The following TOP1 variants were observed in gnomAD, a reference collection of about 807,000 sequenced individuals.
TOP1 encodes the protein DNA topoisomerase 1.
Under a neutral mutation model 111.1 loss-of-function variants are expected in TOP1, and 10 were observed. That is an observed-to-expected ratio of 0.09 (90% confidence interval 0.06 to 0.15). TOP1 has a LOEUF of 0.15. TOP1 is among the 10% of genes least tolerant of loss of function. The probability of loss-of-function intolerance (pLI) is 1.00; values close to 1 mark genes in which losing one functional copy is unlikely to be tolerated. For synonymous variants in TOP1, 271 were observed against 302.9 expected (o/e 0.89, Z 1.10); for missense variants, 474 against 926.7 (o/e 0.51, Z 6.34).
Position 41,123,286 on chromosome 20 carries a change from T to C in TOP1, c.2287T>C (p.Tyr763His). Residue 763 changes from tyrosine (Y) to histidine (H), a missense_variant, in exon 21 of 21, where the codon TAT (tyrosine) becomes CAT (histidine). By Grantham distance (83) the Tyr-to-His change is moderately conservative. Transcript: ENST00000361337. The surrounding 1 kb of genome is among the most constrained non-coding windows in gnomAD (Gnocchi z 5.8). ...AWAIDMADED[Y>H]EF ...GGCCATTGACATGGCTGATGAAGAC[T>C]ATGAGTTTTAGCCAGTCTCAAGAGG... The C allele has an allele frequency of 6.2e-7, 1 of 1,612,636 alleles. No homozygotes were observed. The highest frequency in any genetic ancestry group is 8.5e-7 in the Non-Finnish European group (1 of 1,178,702).
chr20:41,076,355 G>A (rs6072262), intron 4 of TOP1, 61 bp downstream of exon 4: 217,487 of 1,542,754 alleles, frequency 0.14, 16,905 homozygotes, highest in Non-Finnish European at 0.15. Flanking sequence ...ACCTTTGAAA[G>A]CAGATATCTT....
intron 3 of TOP1, among the ~76,000 whole-genome samples, chr20:41,070,378 A>G (rs1055472037): frequency 3.3e-5 from 5 of 152,178 alleles, no homozygotes; most frequent in Admixed American, 1.3e-4. Flanking sequence ...TGATACTTCT[A>G]TAATATAAAA....
intron 2 of TOP1, among the ~76,000 whole-genome samples, chr20:41,056,573 C>T (rs1417880045): frequency 2.6e-5 from 4 of 152,134 alleles, no homozygotes; most frequent in Non-Finnish European, 5.9e-5. Flanking sequence ...CCTTGAACTC[C>T]TGTGCCCAAG....
rs1377203198 is a variant in TOP1, at chr20:41,091,191, ATGAT to A, written c.615-1276_615-1273del. ...AATATTGGACTTGTTCCATGGCTGAATGATTGATAATAAAATAATAAATAAAATA... is the reference window on the plus strand; with the variant it reads ...AATATTGGACTTGTTCCATGGCTGAATGATAATAAAATAATAAATAAAATA... On this transcript the variant is annotated intron_variant, in intron 8 of 20. Coordinates refer to ENST00000361337, the MANE Select transcript of TOP1 (RefSeq NM_003286.4). Among the ~76,000 whole-genome samples, 6 of 152,218 alleles carry A rather than the reference ATGAT, an allele frequency of 3.9e-5. No individual in the cohort carries two copies. In the South Asian group the frequency reaches 1.2e-3, roughly 32 times the overall value.
intron 2 of TOP1, among the ~76,000 whole-genome samples, chr20:41,033,059 T>A (rs2033140594): frequency 6.6e-6 from 1 of 152,208 alleles, no homozygotes; most frequent in South Asian, 2.1e-4. Flanking sequence ...TATACTATGC[T>A]TTGACATAAA....
chr20:41,036,245 A>G (rs574134278), intron 2 of TOP1, among the ~76,000 whole-genome samples: 2 of 152,270 alleles, frequency 1.3e-5, no homozygotes. Flanking sequence ...AGATGTCAGA[A>G]CCTGCCCTTG....
At position 41,039,186 on chromosome 20, in the gene TOP1, C is replaced by A. The variant is rs369715575; in HGVS notation, c.58+9731C>A. Reference sequence around the variant, plus strand: ...AATATTGTGACTAGACACAGATGAACAAGACAAACCCACATGCCTATCAGG... The same window carrying A: ...AATATTGTGACTAGACACAGATGAAAAAGACAAACCCACATGCCTATCAGG... On this transcript the variant is annotated intron_variant, in intron 2 of 20. Transcript: ENST00000361337. 5.3e-5 allele frequency among the ~76,000 whole-genome samples: 8 copies of A among 152,174 alleles called. No individual in the cohort carries two copies. In the East Asian group the frequency reaches 9.6e-4, roughly 18 times the overall value.
chr20:41,050,391 G>A (rs890796746), intron 2 of TOP1, among the ~76,000 whole-genome samples: 2 of 152,162 alleles, frequency 1.3e-5, no homozygotes, highest in Non-Finnish European at 2.9e-5. Flanking sequence ...TTGAATTCCA[G>A]AGCTCTTTGG....
At chr20:41,042,921 C>T (rs1177594680) in intron 2 of TOP1, among the ~76,000 whole-genome samples, 1 of 152,154 alleles carries the variant, frequency 6.6e-6, no homozygotes, top group African/African-American at 2.4e-5. Context: ...AATGGATCAT[C>T]ATAAAAGCCT....
rs2122580196 is a variant in TOP1, at chr20:41,030,498, T to C, written c.58+1043T>C. On this transcript the variant is annotated intron_variant, in intron 2 of 20. Transcript: ENST00000361337. This position sits in a 1 kb window ranked among gnomAD's most constrained non-coding sequence, Gnocchi z 4.1. ...GGCTTTTTTTTTTTTTCCCAATTCT[T>C]TATGTTTTTGAACCCTTTTCAGCCA... Among the ~76,000 whole-genome samples, 1 of 152,240 alleles carries C rather than the reference T, an allele frequency of 6.6e-6. No homozygotes were observed. The highest frequency in any genetic ancestry group is 1.5e-5 in the Non-Finnish European group (1 of 68,024).
At chr20:41,103,827 A>G (rs1040241603) in intron 13 of TOP1, among the ~76,000 whole-genome samples, 1 of 151,646 alleles carries the variant, frequency 6.6e-6, no homozygotes, top group African/African-American at 2.4e-5. Flanking sequence ...CAGGGATACA[A>G]TCCTATTCAT....
chr20:41,106,431 A>G lies in TOP1; in HGVS notation c.1308+5078A>G, dbSNP rs1279483338. ...ATAAACTTGTTGATTAACAAATTCT[A>G]ATAAAAACTGTTGAGATTTTTATTG... is the stretch of plus-strand genomic sequence containing the variant. On this transcript the variant is annotated intron_variant, in intron 13 of 20. Transcript: ENST00000361337. The surrounding 1 kb of genome is among the most constrained non-coding windows in gnomAD (Gnocchi z 4.3). Among the ~76,000 whole-genome samples, 2 of 152,238 alleles carry G rather than the reference A, an allele frequency of 1.3e-5. No individual in the cohort carries two copies. Among genetic ancestry groups the G allele is most frequent in the African/African-American group, 4.8e-5 (2 of 41,466 alleles).
At position 41,108,238 on chromosome 20, in the gene TOP1, G is replaced by A. The variant is rs557643895; in HGVS notation, c.1309-4544G>A. ...AAGAGTCGTCTTTGTTTACTCTTGT[G>A]TCTATATTTTACTTACTTAATTCCC... On this transcript the variant is annotated intron_variant, in intron 13 of 20. Transcript: ENST00000361337. Among the ~76,000 whole-genome samples, 14 of 152,228 alleles carry A rather than the reference G, an allele frequency of 9.2e-5. No homozygotes were observed. In the South Asian group the frequency reaches 2.7e-3, roughly 29 times the overall value.
intron 13 of TOP1, among the ~76,000 whole-genome samples, chr20:41,104,809 C>T (rs1315062256): frequency 1.3e-5 from 2 of 152,188 alleles, no homozygotes; most frequent in Non-Finnish European, 2.9e-5. Context: ...CTGTCTTGTA[C>T]TCAGCAGAAT....
In TOP1 at chr20:41,028,834, T is replaced by TAG; in HGVS notation, c.-233_-232dup. 1 of 523,658 alleles carries TAG rather than the reference T, an allele frequency of 1.9e-6. No individual in the cohort carries two copies. Among genetic ancestry groups the TAG allele is most frequent in the South Asian group, 2.3e-5 (1 of 42,652 alleles). 32.4% of individuals were successfully genotyped at this position (523,658 alleles called of 1,614,324 possible). A position where few individuals can be genotyped will look rare whatever the true frequency, so the allele number is the denominator to read the frequency against. ...GGCGCAGTGAGCCCAAATGCGAACT[T>TAG]AGGCTGTTACACAACTGCTGGGGTC... On this transcript the variant is annotated 5_prime_UTR_variant, in exon 1 of 21. Transcript: ENST00000361337.
In TOP1 at chr20:41,092,437, G is replaced by C. The variant is rs372057347; in HGVS notation, c.615-35G>C. The C allele has an allele frequency of 1.4e-5, 15 of 1,055,508 alleles. 1 individual carries two copies. In the South Asian group the frequency reaches 1.9e-4, roughly 13 times the overall value. 65.4% of individuals were successfully genotyped at this position (1,055,508 alleles called of 1,614,324 possible). A position where few individuals can be genotyped will look rare whatever the true frequency, so the allele number is the denominator to read the frequency against. ...TGATGATCCCCATGTTAGACAAGGC[G>C]ATCACTAAATGAGGCTGTGCTTTGT... On this transcript the variant is annotated intron_variant, in intron 8 of 20. Transcript: ENST00000361337. The surrounding 1 kb of genome is among the most constrained non-coding windows in gnomAD (Gnocchi z 4.3).
Position 41,045,880 on chromosome 20 carries a change from C to T in TOP1, c.59-15514C>T, listed in dbSNP as rs73611253. Among the ~76,000 whole-genome samples the T allele has an allele frequency of 7.9e-4, 121 of 152,316 alleles. No homozygotes were observed. In the East Asian group the frequency reaches 0.022, roughly 28 times the overall value. On this transcript the variant is annotated intron_variant, in intron 2 of 20. Transcript: ENST00000361337. ...TGTATGCCATCTGGGGTTATCTTCT[C>T]ACTTGCACGCTCATGACCAGTGTAG...
chr20:41,100,990 A>G lies in TOP1; in HGVS notation c.1164-219A>G, dbSNP rs2034055139. On this transcript the variant is annotated intron_variant, in intron 12 of 20. Coordinates refer to ENST00000361337, the MANE Select transcript of TOP1 (RefSeq NM_003286.4). This position sits in a 1 kb window ranked among gnomAD's most constrained non-coding sequence, Gnocchi z 4.4. ...CTCCTCAGAATGATGTGCAATTTAA[A>G]ACTTACAAAATGTTTATTTCTGGAA... Among the ~76,000 whole-genome samples, 1 of 152,234 alleles carries G rather than the reference A, an allele frequency of 6.6e-6. No individual in the cohort carries two copies. The highest frequency in any genetic ancestry group is 6.5e-5 in the Admixed American group (1 of 15,282).
chr20:41,038,001 A>G (rs1443479479), intron 2 of TOP1, among the ~76,000 whole-genome samples: 4 of 152,110 alleles, frequency 2.6e-5, no homozygotes, highest in Non-Finnish European at 4.4e-5. Context: ...AAATATGGGG[A>G]AAAAAATCTG....
Sources: gnomAD v4.1 joint callset for allele counts (sites outside exome capture counted in the v4.1 genomes callset) on GRCh38, gnomAD v4.1.1 for gene constraint, Gnocchi (gnomAD v3.1) non-coding constraint, MANE v1.5 for transcripts, NCBI Gene and HGNC (gene_info 2026-07-23, HGNC 2026-07-21) for gene names.